MGAM: variants seen among roughly 807,000 people sequenced by gnomAD.
MGAM encodes the protein alpha-1,4-glucosidase.
Under a neutral mutation model 358.8 loss-of-function variants are expected in MGAM, and 253 were observed. The observed-to-expected ratio is 0.71, with a 90% confidence interval of 0.64 to 0.78. The LOEUF (loss-of-function observed/expected upper bound fraction) is 0.78. Among genes scored for constraint, MGAM ranks in the 30% least tolerant of loss-of-function variants. The pLI is 0.00. For missense variants in MGAM, 3,080 were observed against 3,432.6 expected (o/e 0.90, Z 2.57); for synonymous variants, 1,105 against 1,227.1 (o/e 0.90, Z 2.08).
chr7:142,082,568 A>G lies in MGAM; in HGVS notation c.6265A>G (p.Met2089Val). 2 of 1,514,214 alleles carry G rather than the reference A, an allele frequency of 1.3e-6. 1 individual carries two copies. Among genetic ancestry groups the G allele is most frequent in the South Asian group, 2.4e-5 (2 of 84,348 alleles). 93.8% of individuals were successfully genotyped at this position (1,514,214 alleles called of 1,614,324 possible). Residue 2089 changes from methionine (M) to valine (V), a missense_variant, in exon 52 of 71, where the codon ATG (methionine) becomes GTG (valine). Around this residue, in one of 5 missense-constraint regions of MGAM, gnomAD observed 932 missense variants for 1,198.2 expected, o/e 0.78. Transcript: ENST00000475668. Reference protein sequence around the residue: ...HGVLLLNSNAMDVTFQPLPAL... With the variant: ...HGVLLLNSNAVDVTFQPLPAL... ...AGTGCTCCTGCTGAACAGCAATGCC[A>G]TGGGTAAGGCCATCCAGCGCCTCCC... is the stretch of plus-strand genomic sequence containing the variant.
At chr7:142,055,437 G>C in intron 27 of MGAM, 121 bp from the exon 28 acceptor site, 1 of 1,221,266 alleles carries the variant, frequency 8.2e-7, no homozygotes, top group Non-Finnish European at 1.2e-6. Context: ...TTTCAGTTTT[G>C]TTTGGGATAT....
At chr7:142,044,755 GATATATA>G (rs1371117242) in intron 21 of MGAM, among the ~76,000 whole-genome samples, 11 of 89,758 alleles carry the variant, frequency 1.2e-4, no homozygotes, top group South Asian at 3.3e-4. Flanking sequence ...TGTAATATAT[GATATATA>G]ATGTATATTA....
At chr7:142,038,412 T>TG (rs916315897) in intron 18 of MGAM, 119 bp from the exon 19 acceptor site, 15 of 702,430 alleles carry the variant, frequency 2.1e-5, no homozygotes, top group Non-Finnish European at 2.9e-5. Context: ...CAGAATAATT[T>TG]GGGGGGTTTG....
intron 3 of MGAM, among the ~76,000 whole-genome samples, chr7:142,017,974 G>A (rs371724227): frequency 1.3e-5 from 2 of 152,096 alleles, no homozygotes; most frequent in African/African-American, 4.8e-5. Context: ...ACTTTACCTC[G>A]GAGAAGCTTT....
chr7:142,040,698 G>C, intron 20 of MGAM, 24 bp from the exon 21 acceptor site: 1 of 1,611,102 alleles, frequency 6.2e-7, no homozygotes, highest in South Asian at 1.1e-5. Context: ...ATGCCAATGT[G>C]TTTGATTTAT....
At chr7:142,061,854 AAT>A (rs1245615964) in intron 34 of MGAM, among the ~76,000 whole-genome samples, 2 of 152,228 alleles carry the variant, frequency 1.3e-5, no homozygotes, top group Non-Finnish European at 2.9e-5. Flanking sequence ...CATTGTGGGC[AAT>A]ATAAATATCA....
At chr7:142,038,056 A>G (rs1174239345) in intron 18 of MGAM, among the ~76,000 whole-genome samples, 1 of 151,758 alleles carries the variant, frequency 6.6e-6, no homozygotes, top group African/African-American at 2.4e-5. Context: ...CCAGCCCCTC[A>G]CTACCCTTCC....
Position 142,088,465 on chromosome 7 carries a change from GTATC to G in MGAM, c.6810+1759_6810+1762del, listed in dbSNP as rs893673610. On this transcript the variant is annotated intron_variant, in intron 57 of 70. Transcript: ENST00000475668. ...TGTATGTATGTATGTATGTATGTAC[GTATC>G]TATCTATCTACCTATCTCAGTCTAT... Among the ~76,000 whole-genome samples the G allele has an allele frequency of 1.9e-4, 27 of 144,094 alleles. 6 individuals are homozygous for G. The highest frequency in any genetic ancestry group is 4.1e-4 in the East Asian group (2 of 4,910). 94.5% of individuals were successfully genotyped at this position (144,094 alleles called of 152,430 possible). A position where few individuals can be genotyped will look rare whatever the true frequency, so the allele number is the denominator to read the frequency against.
chr7:142,034,327 C>A lies in MGAM; in HGVS notation c.1735C>A (p.Gln579Lys), dbSNP rs368127800. ...GGATGCAGTGCAGCACTGGGGCAAG[C>A]AGTATGACATTCACAATCTGTATGG... ...CMDAVQHWGK[Q>K]YDIHNLYGYS... The change falls in exon 15 of 71, where the codon CAG (glutamine) becomes AAG (lysine). Residue 579 changes from glutamine (Q) to lysine (K), a missense_variant. Around this residue, in one of 5 missense-constraint regions of MGAM, gnomAD observed 1,816 missense variants for 1,840.5 expected, o/e 0.99. Transcript: ENST00000475668. 1.4e-5 allele frequency: 22 copies of A among 1,597,698 alleles called. No homozygotes were observed. The South Asian group carries it at 1.8e-4, about 13-fold the overall frequency.
Position 142,031,809 on chromosome 7 carries a change from T to A in MGAM, c.1584+16T>A. The A allele has an allele frequency of 6.6e-7, 1 of 1,517,384 alleles. No homozygotes were observed. The highest frequency in any genetic ancestry group is 9.2e-7 in the Non-Finnish European group (1 of 1,092,238). 94.0% of individuals were successfully genotyped at this position (1,517,384 alleles called of 1,614,324 possible). On this transcript the variant is annotated intron_variant, in intron 13 of 70. Transcript: ENST00000475668. ...AATCTGGATTGTGAGTTGTTTACAC[T>A]TGGATTATTAGGTGACAAATATTCA...
chr7:142,063,922 T>G (rs1812471334), intron 36 of MGAM, among the ~76,000 whole-genome samples: 1 of 152,206 alleles, frequency 6.6e-6, no homozygotes, highest in Non-Finnish European at 1.5e-5. Context: ...AATTACTGGC[T>G]TCCCCTTATC....
rs1809197357 is a variant in MGAM, at chr7:142,042,872, AT to A, written c.2498+2028del. Among the ~76,000 whole-genome samples, 2 of 48,310 alleles carry A rather than the reference AT, an allele frequency of 4.1e-5. 1 individual carries two copies. The highest frequency in any genetic ancestry group is 1.3e-4 in the African/African-American group (2 of 15,368). The allele number at this position is 48,310 out of a possible 152,430, so 31.7% of individuals were successfully genotyped here. On this transcript the variant is annotated intron_variant, in intron 21 of 70. Transcript: ENST00000475668. ...TATAATATCTAAATATAATATCTACATTATATATACATATAATATCTAAATA... is the reference window on the plus strand; with the variant it reads ...TATAATATCTAAATATAATATCTACATATATATACATATAATATCTAAATA...
rs572780310 is a variant in MGAM at position 142,040,566 on chromosome 7, T to A, written c.2374-156T>A. 1.5e-3 allele frequency: 1,462 copies of A among 969,036 alleles called. 2 individuals are homozygous for A. The highest frequency in any genetic ancestry group is 1.8e-3 in the Non-Finnish European group (1,197 of 658,844). 60.0% of individuals were successfully genotyped at this position (969,036 alleles called of 1,614,324 possible). ...CCCAACTGGTAGCAGAACATGTTAT[T>A]CTTGATTTTTTTCCTTCTGTTGTTT... is the stretch of plus-strand genomic sequence containing the variant. On this transcript the variant is annotated intron_variant, in intron 20 of 70. Transcript: ENST00000475668.
rs764995959 is a variant in MGAM, at chr7:142,099,655, G to T, written c.7792G>T (p.Ala2598Ser). The change falls in exon 67 of 71, where the codon GCC (alanine) becomes TCC (serine). Residue 2598 changes from alanine (A) to serine (S), a missense_variant. This residue lies in a region of MGAM where 932 missense variants were observed against 1,198.2 expected (regional missense o/e 0.78). Coordinates refer to ENST00000475668, the MANE Select transcript of MGAM (RefSeq NM_001365693.1). ...NARGEWKTLP[A>S]PLDHINLHVR... The stretch of plus-strand genomic sequence containing the variant: ...AAGAGGAGAGTGGAAGACCTTGCCA[G>T]CCCCTCTTGACCACATTAATCTTCA... The T allele has an allele frequency of 1.2e-6, 2 of 1,613,950 alleles. No homozygotes were observed. Among genetic ancestry groups the T allele is most frequent in the Non-Finnish European group, 1.7e-6 (2 of 1,179,874 alleles).
intron 21 of MGAM, among the ~76,000 whole-genome samples, chr7:142,045,188 A>ATATAATATATATTATATACATATATGT (rs1809952479): frequency 2.4e-5 from 1 of 41,884 alleles, no homozygotes; most frequent in Non-Finnish European, 3.9e-5. Context: ...AACATATATG[A>ATATAATATATATTATATACATATATGT]TATATAATAT....
intron 21 of MGAM, among the ~76,000 whole-genome samples, chr7:142,042,943 T>G (rs1241181243): frequency 3.3e-5 from 2 of 60,590 alleles, no homozygotes; most frequent in East Asian, 4.7e-4. Context: ...ATATAATATA[T>G]ATATTATATA....
Position 142,103,540 on chromosome 7 carries a change from G to A in MGAM, c.8184+101G>A, listed in dbSNP as rs927326361. The A allele has an allele frequency of 4.2e-6, 5 of 1,182,984 alleles. No homozygotes were observed. In the African/African-American group the frequency reaches 6.2e-5, roughly 15 times the overall value. 73.3% of individuals were successfully genotyped at this position (1,182,984 alleles called of 1,614,324 possible). A position where few individuals can be genotyped will look rare whatever the true frequency, so the allele number is the denominator to read the frequency against. ...TCCAAATGATGCCCTCTCCTGCCAG[G>A]CCCTCCGGGAATCCCTGAGTTTTCC... On this transcript the variant is annotated intron_variant, in intron 70 of 70. Transcript: ENST00000475668.
chr7:142,037,028 T>C, intron 18 of MGAM, 51 bp downstream of exon 18: 1 of 1,543,808 alleles, frequency 6.5e-7, no homozygotes, highest in Non-Finnish European at 8.9e-7. Flanking sequence ...GGAATGACAT[T>C]GACTATATCA....
chr7:142,008,691 C>G lies in MGAM; in HGVS notation c.313C>G (p.Gln105Glu). 5.0e-6 allele frequency: 8 copies of G among 1,612,614 alleles called. No individual in the cohort carries two copies. Among genetic ancestry groups the G allele is most frequent in the Non-Finnish European group, 6.8e-6 (8 of 1,179,220 alleles). Residue 105 changes from glutamine (Q) to glutamate (E), a missense_variant, in exon 3 of 71, where the codon CAG becomes GAG. Gln to Glu is a conservative substitution (Grantham distance 29, BLOSUM62 2). Coordinates refer to ENST00000475668, the MANE Select transcript of MGAM (RefSeq NM_001365693.1). ...ELERINCIPD[Q>E]PPTKATCDQR... ...GGAACGAATTAATTGCATCCCTGACCAGCCGCCAACAAAGGTTTGAGTTAT... is the reference window on the plus strand; with the variant it reads ...GGAACGAATTAATTGCATCCCTGACGAGCCGCCAACAAAGGTTTGAGTTAT...
Sources: allele counts gnomAD v4.1 joint callset (sites outside exome capture counted in the v4.1 genomes callset), GRCh38; gene constraint gnomAD v4.1.1; regional missense constraint gnomAD v4.1.1; transcripts MANE v1.5; gene names NCBI Gene and HGNC (gene_info 2026-07-23, HGNC 2026-07-21).